The following GRID1 variants were observed in gnomAD, a reference collection of about 807,000 sequenced individuals.
The protein encoded by GRID1 is glutamate receptor ionotropic, delta-1.
Under a neutral mutation model 98.0 loss-of-function variants are expected in GRID1, and 28 were observed. The observed-to-expected ratio is 0.29, with a 90% CI of 0.21 to 0.39. The LOEUF (loss-of-function observed/expected upper bound fraction) is 0.39. GRID1 is among the 10% of genes least tolerant of loss of function. GRID1 has a pLI of 1.00. For missense variants in GRID1, 1,111 were observed against 1,340.5 expected, an observed-to-expected ratio of 0.83 and a Z score of 2.67; for synonymous variants, 553 against 538.5, an observed-to-expected ratio of 1.03 and a Z score of -0.37.
At chr10:86,357,429 C>T (rs1264718459) in intron 2 of GRID1, among the ~76,000 whole-genome samples, 1 of 152,192 alleles carries the variant, frequency 6.6e-6, no homozygotes, top group African/African-American at 2.4e-5. Context: ...CTGCTCACTG[C>T]CAGTTAAGTC....
At chr10:86,354,875 A>G (rs1848513210) in intron 2 of GRID1, among the ~76,000 whole-genome samples, 3 of 152,178 alleles carry the variant, frequency 2.0e-5, no homozygotes, top group South Asian at 2.1e-4. Context: ...CATATGAGCC[A>G]TGTCGTCAAC....
rs527863587 is a variant in GRID1 at position 85,729,475 on chromosome 10, T to C, written c.1335+38A>G. ...GCAGCCTCTGATTCAACAGCCTGGA[T>C]GGTGTAGCTCGCTCCCAGAATGTCC... is the stretch of plus-strand genomic sequence containing the variant. On this transcript the variant is annotated intron_variant, in intron 9 of 15. Transcript: ENST00000327946. 117 of 1,169,896 alleles carry C rather than the reference T, an allele frequency of 1.0e-4. No individual in the cohort carries two copies. In the South Asian group the frequency reaches 1.4e-3, roughly 14 times the overall value. 72.5% of individuals were successfully genotyped at this position (1,169,896 alleles called of 1,614,324 possible).
intron 12 of GRID1, among the ~76,000 whole-genome samples, chr10:85,674,018 T>G (rs1016672040): frequency 3.3e-5 from 5 of 152,212 alleles, no homozygotes; most frequent in African/African-American, 1.2e-4. Flanking sequence ...ATGGATCCAT[T>G]TTTTTAACCT....
At chr10:86,061,521 T>C (rs954605334) in intron 4 of GRID1, among the ~76,000 whole-genome samples, 9 of 152,094 alleles carry the variant, frequency 5.9e-5, no homozygotes, top group Non-Finnish European at 8.8e-5. Context: ...TTCCTATTCC[T>C]CAAAGAAAAG....
At chr10:86,320,414 T>TGCTAAGTGAAGTAA (rs1265375762) in intron 2 of GRID1, among the ~76,000 whole-genome samples, 1 of 152,178 alleles carries the variant, frequency 6.6e-6, no homozygotes, top group African/African-American at 2.4e-5. Flanking sequence ...GAAAACCTCA[T>TGCTAAGTGAAGTAA]GCTAAGTGAA....
At chr10:86,207,042 T>C (rs1431986741) in intron 2 of GRID1, among the ~76,000 whole-genome samples, 2 of 152,070 alleles carry the variant, frequency 1.3e-5, no homozygotes, top group African/African-American at 2.4e-5. Flanking sequence ...AGCCAAAACG[T>C]CATTGTGTTG....
intron 12 of GRID1, among the ~76,000 whole-genome samples, chr10:85,648,940 C>T (rs570128018): frequency 6.6e-6 from 1 of 152,222 alleles, no homozygotes; most frequent in East Asian, 1.9e-4. Context: ...CCCCCACAAC[C>T]AACACTGTGG....
At chr10:86,348,488 G>A (rs893067073) in intron 2 of GRID1, among the ~76,000 whole-genome samples, 8 of 152,334 alleles carry the variant, frequency 5.3e-5, no homozygotes, top group African/African-American at 1.7e-4. Context: ...CAGGCCAGAG[G>A]CCAGACCACG....
In GRID1 at chr10:86,314,010, A is replaced by G. The variant is rs75346404; in HGVS notation, c.235+49931T>C. 7.9e-5 allele frequency among the ~76,000 whole-genome samples: 12 copies of G among 152,302 alleles called. No individual in the cohort carries two copies. In the East Asian group the frequency reaches 2.3e-3, roughly 29 times the overall value. ...AACCACTAACCTATCACCATCCATA[A>G]ACTAAATGATCCATAAACACTCTCC... On this transcript the variant is annotated intron_variant, in intron 2 of 15. Coordinates refer to ENST00000327946, the MANE Select transcript of GRID1 (RefSeq NM_017551.3).
At chr10:85,821,516 CAAAAAA>C (rs1157209045) in intron 8 of GRID1, among the ~76,000 whole-genome samples, 1 of 9,104 alleles carries the variant, frequency 1.1e-4, no homozygotes, top group Non-Finnish European at 2.7e-4. Context: ...GACTTCATCT[CAAAAAA>C]AAAAAAAAAA....
At chr10:85,686,175 C>G (rs1413775683) in intron 12 of GRID1, among the ~76,000 whole-genome samples, 2 of 152,134 alleles carry the variant, frequency 1.3e-5, no homozygotes, top group Non-Finnish European at 1.5e-5. Flanking sequence ...ACAAATAGAT[C>G]ACTGGAGGAG....
chr10:85,998,190 A>G (rs2131872890), intron 4 of GRID1, among the ~76,000 whole-genome samples: 1 of 152,318 alleles, frequency 6.6e-6, no homozygotes, highest in South Asian at 2.1e-4. Context: ...CAACAGCAGA[A>G]TATGCTTTTT....
chr10:85,854,707 G>A (rs886953734), intron 7 of GRID1, 92 bp from the exon 8 acceptor site: 2 of 1,306,838 alleles, frequency 1.5e-6, no homozygotes, highest in African/African-American at 1.5e-5. Flanking sequence ...TGGTCACCAA[G>A]AACGGAGCAA....
chr10:85,951,174 G>A (rs117513823), intron 4 of GRID1, among the ~76,000 whole-genome samples: 7,900 of 152,284 alleles, frequency 0.052, 247 homozygotes, highest in Middle Eastern at 0.11. Flanking sequence ...TTGGGCTGGG[G>A]CTGGCAGTTA....
chr10:86,320,812 G>A (rs544812690), intron 2 of GRID1, among the ~76,000 whole-genome samples: 21 of 152,146 alleles, frequency 1.4e-4, no homozygotes, highest in Admixed American at 2.0e-4. Context: ...GTAAAATGTC[G>A]GAGAGAGCCG....
chr10:85,963,087 T>C (rs1247449286), intron 4 of GRID1, among the ~76,000 whole-genome samples: 1 of 152,200 alleles, frequency 6.6e-6, no homozygotes, highest in African/African-American at 2.4e-5. Context: ...CTGGAGGTTA[T>C]TTCTTTATTT....
intron 3 of GRID1, among the ~76,000 whole-genome samples, chr10:86,140,526 G>A (rs151167094): frequency 6.6e-6 from 1 of 152,380 alleles, no homozygotes; most frequent in Non-Finnish European, 1.5e-5. Flanking sequence ...CGTAGTCCCA[G>A]CTGGACTGTG....
intron 8 of GRID1, among the ~76,000 whole-genome samples, chr10:85,741,905 C>T (rs376467914): frequency 2.0e-5 from 3 of 152,102 alleles, no homozygotes; most frequent in Non-Finnish European, 2.9e-5. Flanking sequence ...ATATCCTTCA[C>T]GTTCCCAATA....
chr10:86,053,365 T>TG (rs1313337330), intron 4 of GRID1, among the ~76,000 whole-genome samples: 1 of 114,710 alleles, frequency 8.7e-6, no homozygotes, highest in Non-Finnish European at 2.1e-5. Flanking sequence ...TTTGTTTTTT[T>TG]GTTTTTTTTT....
Sources: allele counts gnomAD v4.1 joint callset (sites outside exome capture counted in the v4.1 genomes callset), GRCh38; gene constraint gnomAD v4.1.1; transcripts MANE v1.5; gene names NCBI Gene and HGNC (gene_info 2026-07-23, HGNC 2026-07-21).